Variants in ATG4A observed in about 807,000 individuals in gnomAD.
ATG4A encodes cysteine protease ATG4A.
In ATG4A, 22 loss-of-function variants were observed where a neutral mutation model predicts 38.4. The observed-to-expected ratio is 0.57, with a 90% CI of 0.41 to 0.82. ATG4A has a LOEUF of 0.82. ATG4A is among the 40% of genes least tolerant of loss of function. The probability of loss-of-function intolerance (pLI) is 0.00; values close to 1 mark genes in which losing one functional copy is unlikely to be tolerated. For missense variants in ATG4A, 220 were observed against 290.0 expected, an observed-to-expected ratio of 0.76 and a Z score of 1.75; for synonymous variants, 86 against 100.7, an observed-to-expected ratio of 0.85 and a Z score of 0.88.
chrX:108,091,373 T>G (rs1569296654), upstream of ATG4A: 1 of 1,182,212 alleles, frequency 8.5e-7, no homozygotes, highest in South Asian at 1.8e-5. Flanking sequence ...TTCGCCGACG[T>G]CGCCGACTGC....
At chrX:108,115,118 CGTGTGTGT>C (rs748772447) in intron 1 of ATG4A, among the ~76,000 whole-genome samples, 6 of 90,182 alleles carry the variant, frequency 6.7e-5, no homozygotes, top group African/African-American at 1.2e-4. Context: ...TGCATGTATG[CGTGTGTGT>C]GTGTGTGTGT....
At chrX:108,128,641 A>G in intron 2 of ATG4A, 140 bp from the exon 3 acceptor site, 1 of 386,697 alleles carries the variant, frequency 2.6e-6, no homozygotes, top group Non-Finnish European at 4.3e-6. Context: ...TAAAATAAGA[A>G]TGGGTTTCCT....
intron 11 of ATG4A, 85 bp from the exon 12 acceptor site, chrX:108,152,894 A>G: frequency 1.5e-6 from 1 of 679,682 alleles, no homozygotes; most frequent in Non-Finnish European, 2.3e-6. Context: ...CCAGCAGACC[A>G]CTGTCTCAGG....
intron 9 of ATG4A, 98 bp from the exon 10 acceptor site, chrX:108,150,054 A>C: frequency 1.0e-6 from 1 of 982,272 alleles, no homozygotes; most frequent in Admixed American, 2.4e-5. Flanking sequence ...ATTGTCACCA[A>C]GGGAGGGGTT....
intron 1 of ATG4A, among the ~76,000 whole-genome samples, chrX:108,107,509 A>G (rs1340757269): frequency 8.9e-6 from 1 of 112,518 alleles, no homozygotes; most frequent in African/African-American, 3.2e-5. Context: ...TCTGTGTCAT[A>G]TCAATGTTGG....
At chrX:108,140,808 AATAT>A (rs1031932030) in intron 9 of ATG4A, among the ~76,000 whole-genome samples, 12 of 98,526 alleles carry the variant, frequency 1.2e-4, no homozygotes, top group Non-Finnish European at 2.2e-4. Flanking sequence ...GTATATATAA[AATAT>A]ATATAAAATG....
intron 1 of ATG4A, among the ~76,000 whole-genome samples, chrX:108,109,412 C>T (rs1179408106): frequency 1.8e-5 from 2 of 111,436 alleles, no homozygotes; most frequent in African/African-American, 3.3e-5. Flanking sequence ...ATATTTTCTC[C>T]CATTCTGGAA....
At position 108,126,154 on chromosome X, in the gene ATG4A, T is replaced by C; in HGVS notation, c.88T>C (p.Trp30Arg). The C allele has an allele frequency of 8.3e-7, 1 of 1,208,719 alleles. No homozygotes were observed. Among genetic ancestry groups the C allele is most frequent in the Non-Finnish European group, 1.1e-6 (1 of 892,767 alleles). Residue 30 changes from tryptophan to arginine, a missense_variant, in exon 2 of 13, where the codon TGG becomes CGG. Trp to Arg is a moderately radical substitution (Grantham distance 101). This residue lies in a region of ATG4A where 61 missense variants were observed against 83.3 expected (regional missense o/e 0.73). Coordinates refer to ENST00000372232, the MANE Select transcript of ATG4A (RefSeq NM_052936.5). ...ATATCCAGATACAGATGAGCTGGTA[T>C]GGATCTTAGGGAAGCAGCATCTCCT... ...EEYPDTDELVWILGKQHLLKT... is the reference protein window; with the variant it reads ...EEYPDTDELVRILGKQHLLKT...
At chrX:108,129,145 A>G (rs1204654145) in intron 3 of ATG4A, among the ~76,000 whole-genome samples, 1 of 112,798 alleles carries the variant, frequency 8.9e-6, no homozygotes, top group Non-Finnish European at 1.9e-5. Flanking sequence ...GGAAAATCAC[A>G]TAATCTTTTA....
At chrX:108,107,023 T>C (rs948761058) in intron 1 of ATG4A, among the ~76,000 whole-genome samples, 2 of 111,644 alleles carry the variant, frequency 1.8e-5, no homozygotes, top group East Asian at 5.6e-4. Context: ...ACCATAGATA[T>C]ATACAATTTT....
chrX:108,134,403 G>A lies in ATG4A; in HGVS notation c.459G>A (p.Gln153=), dbSNP rs747868432. Residue 153 remains glutamine (Q), a synonymous_variant, in exon 6 of 13, where the codon CAG becomes CAA. Coordinates refer to ENST00000372232, the MANE Select transcript of ATG4A (RefSeq NM_052936.5). ...GGTTTGGACCAAATACAGTTGCACA[G>A]GTGTTAAAGTAAGTAAAAGAGTCTG... The part of the protein sequence containing the change: ...GEWFGPNTVA[Q]VLKKLALFDE... 4.1e-6 allele frequency: 5 copies of A among 1,208,329 alleles called. No homozygotes were observed. In the South Asian group the frequency reaches 7.1e-5, roughly 17 times the overall value.
chrX:108,091,546 G>T (rs779067661), upstream of ATG4A: 27 of 1,186,337 alleles, frequency 2.3e-5, no homozygotes, highest in Non-Finnish European at 3.1e-5. Flanking sequence ...ACTACTTGTC[G>T]CGCGAGCAAC....
chrX:108,126,665 A>T, intron 2 of ATG4A: 1 of 760,064 alleles, frequency 1.3e-6, no homozygotes, highest in Non-Finnish European at 1.7e-6. Context: ...AGTTTTTCTT[A>T]AGTTTTAGAT....
intron 1 of ATG4A, among the ~76,000 whole-genome samples, chrX:108,112,183 AATT>A (rs1179668531): frequency 1.8e-5 from 2 of 111,469 alleles, no homozygotes; most frequent in African/African-American, 3.3e-5. Context: ...TGTATAATTG[AATT>A]ATTATTAACT....
intron 1 of ATG4A, among the ~76,000 whole-genome samples, chrX:108,097,347 T>C (rs192501750): frequency 8.9e-6 from 1 of 112,265 alleles, no homozygotes; most frequent in East Asian, 2.8e-4. Context: ...TCAGAGTTCT[T>C]TGGGTTGTAA....
chrX:108,091,254 C>A (rs2031605940), upstream of ATG4A, among the ~76,000 whole-genome samples: 1 of 113,206 alleles, frequency 8.8e-6, no homozygotes, highest in African/African-American at 3.2e-5. Flanking sequence ...AGGCCTATCG[C>A]GAGTCCCGAG....
At chrX:108,141,071 C>CATATATATATAT (rs139918190) in intron 9 of ATG4A, among the ~76,000 whole-genome samples, 15 of 35,042 alleles carry the variant, frequency 4.3e-4, no homozygotes, top group Admixed American at 1.3e-3. Context: ...TATATATATA[C>CATATATATATAT]ATATATATAT....
intron 1 of ATG4A, among the ~76,000 whole-genome samples, chrX:108,096,350 G>A (rs1413242179): frequency 8.9e-6 from 1 of 112,274 alleles, no homozygotes; most frequent in African/African-American, 3.2e-5. Context: ...AAAATTATGA[G>A]AATCATTCGT....
chrX:108,088,903 G>A, upstream of ATG4A: 3 of 929,613 alleles, frequency 3.2e-6, no homozygotes, highest in African/African-American at 2.0e-5. Flanking sequence ...AAAAAAGCAA[G>A]AAAAAAAATA....
Sources: gnomAD v4.1 joint callset for allele counts (sites outside exome capture counted in the v4.1 genomes callset) on GRCh38, gnomAD v4.1.1 for gene constraint, gnomAD v4.1.1 regional missense constraint, MANE v1.5 for transcripts, NCBI Gene and HGNC (gene_info 2026-07-23, HGNC 2026-07-21) for gene names.